The following SUPV3L1 variants were observed in gnomAD, a reference collection of about 807,000 sequenced individuals.
SUPV3L1 encodes ATP-dependent RNA helicase SUPV3L1, mitochondrial.
A neutral mutation model predicts 70.0 loss-of-function variants in SUPV3L1; 35 were observed. That is an observed-to-expected ratio of 0.50 (90% CI 0.38 to 0.66). The LOEUF is 0.66. Ranked by LOEUF, SUPV3L1 falls within the 30% of genes least tolerant of loss-of-function variation. SUPV3L1 has a pLI of 0.00. For synonymous variants in SUPV3L1, 364 were observed against 341.9 expected, an observed-to-expected ratio of 1.06 and a Z score of -0.71; for missense variants, 777 against 961.5, an observed-to-expected ratio of 0.81 and a Z score of 2.54.
intron 13 of SUPV3L1, among the ~76,000 whole-genome samples, chr10:69,205,201 A>C (rs1279713311): frequency 6.6e-6 from 1 of 152,180 alleles, no homozygotes; most frequent in Non-Finnish European, 1.5e-5. Context: ...ATTTGTGAAA[A>C]ACTTAGCTAG....
At chr10:69,193,412 C>A (rs1269218336) in intron 6 of SUPV3L1, 1 of 150,376 alleles carries the variant, frequency 6.6e-6, no homozygotes, top group African/African-American at 2.5e-5. Flanking sequence ...TCTATGTCTT[C>A]TCTTCTAGTC....
chr10:69,187,153 T>C (rs960625171), intron 3 of SUPV3L1, among the ~76,000 whole-genome samples: 3 of 152,132 alleles, frequency 2.0e-5, no homozygotes, highest in Non-Finnish European at 2.9e-5. Context: ...GTCTAGGTTC[T>C]TTATTTTTAA....
At chr10:69,203,572 G>T (rs909799651) in intron 13 of SUPV3L1, among the ~76,000 whole-genome samples, 13 of 149,224 alleles carry the variant, frequency 8.7e-5, no homozygotes, top group Admixed American at 8.7e-4. Flanking sequence ...GCTGAGGCAG[G>T]AGAATCACTT....
intron 1 of SUPV3L1, among the ~76,000 whole-genome samples, chr10:69,185,560 G>A (rs1055920684): frequency 3.4e-5 from 5 of 148,962 alleles, no homozygotes; most frequent in Non-Finnish European, 7.4e-5. Flanking sequence ...GGAGTGCAGT[G>A]GGCCCATCTC....
intron 1 of SUPV3L1, among the ~76,000 whole-genome samples, chr10:69,182,923 A>G (rs1328680006): frequency 4.6e-5 from 7 of 152,148 alleles, no homozygotes; most frequent in Non-Finnish European, 1.0e-4. Context: ...TGTGCTGTCT[A>G]TGGGGTGTCT....
chr10:69,193,985 C>T (rs565963056), intron 6 of SUPV3L1, among the ~76,000 whole-genome samples: 1 of 152,326 alleles, frequency 6.6e-6, no homozygotes, highest in African/African-American at 2.4e-5. Flanking sequence ...ATTCCTTCCA[C>T]TTCACTTTCT....
Position 69,195,273 on chromosome 10 carries a change from G to A in SUPV3L1, c.931+8G>A, listed in dbSNP as rs1373189568. 4 of 1,593,614 alleles carry A rather than the reference G, an allele frequency of 2.5e-6. No individual in the cohort carries two copies. Among genetic ancestry groups the A allele is most frequent in the South Asian group, 1.1e-5 (1 of 88,070 alleles). ...GGACCAGAGCACTTCTAGGTTGGTG[G>A]TCGTAATGCTATAAAACCCGTGCTT... is the stretch of plus-strand genomic sequence containing the variant. On this transcript the variant is annotated splice_region_variant and intron_variant, in intron 7 of 14. Transcript: ENST00000359655.
At chr10:69,185,504 C>CTTTTT (rs35590294) in intron 1 of SUPV3L1, among the ~76,000 whole-genome samples, 1 of 139,518 alleles carries the variant, frequency 7.2e-6, no homozygotes. Context: ...TCATTTTTCT[C>CTTTTT]TTTTTTTTTT....
At chr10:69,186,325 C>CAAAAAA (rs34197871) in intron 2 of SUPV3L1, 118 bp from the exon 3 acceptor site, 5 of 400,246 alleles carry the variant, frequency 1.2e-5, no homozygotes, top group Non-Finnish European at 1.6e-5. Flanking sequence ...GCTGTACTGC[C>CAAAAAA]AAAAAAAAAA....
intron 1 of SUPV3L1, among the ~76,000 whole-genome samples, chr10:69,183,646 C>T (rs769385957): frequency 4.6e-5 from 7 of 152,172 alleles, no homozygotes; most frequent in Non-Finnish European, 7.3e-5. Flanking sequence ...TGCACCACCA[C>T]ACTCCAGCCT....
chr10:69,189,897 C>T (rs542218350), intron 5 of SUPV3L1, among the ~76,000 whole-genome samples: 5 of 152,248 alleles, frequency 3.3e-5, no homozygotes, highest in South Asian at 4.1e-4. Flanking sequence ...CTGCCCGTCT[C>T]GGCCTCCCAA....
intron 13 of SUPV3L1, among the ~76,000 whole-genome samples, chr10:69,204,211 A>G (rs1842762609): frequency 6.6e-6 from 1 of 152,224 alleles, no homozygotes; most frequent in South Asian, 2.1e-4. Flanking sequence ...GAAGCGGTTC[A>G]GAACTGTATG....
At position 69,202,476 on chromosome 10, in the gene SUPV3L1, T is replaced by C. The variant is rs1005465161; in HGVS notation, c.1556T>C (p.Met519Thr). The change falls in exon 12 of 15, where the codon ATG becomes ACG. Residue 519 changes from methionine to threonine, a missense_variant. By Grantham distance (81) the Met-to-Thr change is moderately conservative. Transcript: ENST00000359655. ...GLHPTAEQIE[M>T]FAYHLPDATL... is the part of the protein sequence containing the mutation. Reference sequence around the variant, plus strand: ...CATCCAACTGCTGAGCAGATTGAAATGTTTGCCTACCATCTCCCTGATGCA... The same window carrying C: ...CATCCAACTGCTGAGCAGATTGAAACGTTTGCCTACCATCTCCCTGATGCA... 1.9e-6 allele frequency: 3 copies of C among 1,613,466 alleles called. No individual in the cohort carries two copies. The African/African-American group carries it at 4.0e-5, about 22-fold the overall frequency.
chr10:69,185,225 G>A (rs931890172), intron 1 of SUPV3L1, among the ~76,000 whole-genome samples: 1 of 152,144 alleles, frequency 6.6e-6, no homozygotes, highest in Admixed American at 6.5e-5. Flanking sequence ...CACAAAACAA[G>A]TGTAATCTTT....
At chr10:69,198,267 C>T (rs1842593802) in intron 8 of SUPV3L1, 105 bp from the exon 9 acceptor site, 8 of 924,236 alleles carry the variant, frequency 8.7e-6, no homozygotes, top group Non-Finnish European at 3.2e-6. Context: ...TGGTACTTAT[C>T]AGTTTTTAGC....
chr10:69,199,426 C>T lies in SUPV3L1; in HGVS notation c.1298+229C>T, dbSNP rs560988775. On this transcript the variant is annotated intron_variant, in intron 10 of 14. Coordinates refer to ENST00000359655, the MANE Select transcript of SUPV3L1 (RefSeq NM_003171.5). ...GGACAGGGTCTTGCTCTTTTACCCA[C>T]GCTGGAGTGCAGTGATCAAATTGTA... Among the ~76,000 whole-genome samples the T allele has an allele frequency of 1.2e-3, 189 of 152,282 alleles. 1 individual carries two copies. Among genetic ancestry groups the T allele is most frequent in the African/African-American group, 3.3e-3 (138 of 41,562 alleles).
chr10:69,191,656 G>A lies in SUPV3L1; in HGVS notation c.743G>A (p.Gly248Asp), dbSNP rs146272231. Reference sequence around the variant, plus strand: ...CTAGTTTTTTTTCTGTCTTTCTAGGGTGTGCCATGTGACTTGGTGACAGGT... The same window carrying A: ...CTAGTTTTTTTTCTGTCTTTCTAGGATGTGCCATGTGACTTGGTGACAGGT... The part of the protein sequence containing the change: ...HEIFEKSNAA[G>D]VPCDLVTGEE... Residue 248 changes from glycine to aspartate, a missense_variant and splice_region_variant, in exon 6 of 15, where the codon GGT becomes GAT. Transcript: ENST00000359655. 1.5e-5 allele frequency: 25 copies of A among 1,613,248 alleles called. No homozygotes were observed. Among genetic ancestry groups the A allele is most frequent in the Middle Eastern group, 1.7e-4 (1 of 6,060 alleles).
chr10:69,184,654 G>C (rs950665974), intron 1 of SUPV3L1, among the ~76,000 whole-genome samples: 1 of 71,480 alleles, frequency 1.4e-5, no homozygotes, highest in Non-Finnish European at 3.5e-5. Context: ...CACACACACT[G>C]TGTGTGTATG....
rs200332181 is a variant in SUPV3L1, at chr10:69,199,086, A to G, written c.1205-18A>G. Reference sequence around the variant, plus strand: ...AAGACTGAGAACACTGATTTAACATAAATTGTTCTTGTTTTAGGGACCAAA... The same window carrying G: ...AAGACTGAGAACACTGATTTAACATGAATTGTTCTTGTTTTAGGGACCAAA... On this transcript the variant is annotated intron_variant, in intron 9 of 14. Transcript: ENST00000359655. 9 of 1,592,082 alleles carry G rather than the reference A, an allele frequency of 5.7e-6. No individual in the cohort carries two copies. In the East Asian group the frequency reaches 2.0e-4, roughly 36 times the overall value.
Sources: gnomAD v4.1 joint callset for allele counts (sites outside exome capture counted in the v4.1 genomes callset) on GRCh38, gnomAD v4.1.1 for gene constraint, MANE v1.5 for transcripts, NCBI Gene and HGNC (gene_info 2026-07-23, HGNC 2026-07-21) for gene names.